Variants in URI1 observed in about 807,000 individuals in gnomAD.
URI1 encodes the protein URI1 prefoldin like chaperone.
URI1 carries 39 observed loss-of-function variants against 60.2 expected under a neutral mutation model. The ratio of observed to expected loss-of-function variants is 0.65; its 90% CI spans 0.50 to 0.85. The LOEUF is 0.85. URI1 is among the 40% of genes least tolerant of loss of function. URI1 has a pLI of 0.00. For synonymous variants in URI1, 251 were observed against 236.8 expected (o/e 1.06, Z -0.55); for missense variants, 691 against 665.9 (o/e 1.04, Z -0.42).
intron 2 of URI1, among the ~76,000 whole-genome samples, chr19:29,978,017 G>T (rs1036672781): frequency 4.6e-5 from 7 of 152,020 alleles, no homozygotes; most frequent in African/African-American, 7.2e-5. Context: ...ATTCCCTCTA[G>T]CTTCTTAATT....
intron 9 of URI1, 86 bp from the exon 10 acceptor site, chr19:30,012,199 G>A: frequency 6.9e-7 from 1 of 1,454,428 alleles, no homozygotes; most frequent in Non-Finnish European, 9.2e-7. Context: ...TTAATTTCTA[G>A]AATAGATTCA....
chr19:29,967,468 A>G (rs1232458219), intron 1 of URI1, among the ~76,000 whole-genome samples: 2 of 152,198 alleles, frequency 1.3e-5, no homozygotes, highest in Admixed American at 6.5e-5. Flanking sequence ...ATGTGTTTAT[A>G]CTTGTTTCAT....
At chr19:29,977,982 C>G (rs887382575) in intron 2 of URI1, among the ~76,000 whole-genome samples, 2 of 152,072 alleles carry the variant, frequency 1.3e-5, no homozygotes, top group African/African-American at 4.8e-5. Context: ...CTAATTCTCT[C>G]CCTGTTTTTA....
At position 29,985,250 on chromosome 19, in the gene URI1, C is replaced by T. The variant is rs1211780546; in HGVS notation, c.180C>T (p.Ala60=). The stretch of plus-strand genomic sequence containing the variant: ...AGAAGGTAGATAATGACTATAATGC[C>T]CTTCGAGAAAGACTCAGCACCTTGC... The part of the protein sequence containing the change: ...HWKKVDNDYN[A]LRERLSTLPD... Residue 60 remains alanine, a synonymous_variant, in exon 3 of 11, where the codon GCC becomes GCT. Coordinates refer to ENST00000392271, the MANE Select transcript of URI1 (RefSeq NM_003796.3). 2 of 1,604,778 alleles carry T rather than the reference C, an allele frequency of 1.2e-6. No individual in the cohort carries two copies. The highest frequency in any genetic ancestry group is 2.2e-5 in the South Asian group (2 of 90,450).
At chr19:30,009,759 A>G (rs2055994369) in intron 8 of URI1, among the ~76,000 whole-genome samples, 1 of 152,236 alleles carries the variant, frequency 6.6e-6, no homozygotes, top group Non-Finnish European at 1.5e-5. Context: ...TGGACATAAA[A>G]TGAATACTTC....
intron 4 of URI1, among the ~76,000 whole-genome samples, chr19:29,989,505 C>G (rs1421827639): frequency 1.3e-5 from 2 of 151,956 alleles, no homozygotes; most frequent in South Asian, 4.1e-4. Flanking sequence ...TTCATCGCAA[C>G]CTCCGCCTCC....
upstream of URI1, among the ~76,000 whole-genome samples, chr19:29,941,482 G>A (rs150834173): frequency 5.5e-3 from 837 of 152,198 alleles, 11 homozygotes; most frequent in African/African-American, 0.019. Context: ...TTAACAGGAT[G>A]TGTTGGTGCG....
chr19:29,955,517 A>G (rs543474367), intron 1 of URI1, among the ~76,000 whole-genome samples: 4 of 152,314 alleles, frequency 2.6e-5, no homozygotes, highest in South Asian at 4.1e-4. Flanking sequence ...TCAATGAACT[A>G]TTATGTTTAA....
intron 1 of URI1, among the ~76,000 whole-genome samples, chr19:29,934,194 A>C (rs1190666190): frequency 6.6e-6 from 1 of 151,930 alleles, no homozygotes; most frequent in Non-Finnish European, 1.5e-5. Flanking sequence ...CCTTGGCCTC[A>C]CAAATTGCTA....
intron 4 of URI1, among the ~76,000 whole-genome samples, chr19:29,997,682 G>T (rs2055829574): frequency 6.6e-6 from 1 of 151,876 alleles, no homozygotes; most frequent in Non-Finnish European, 1.5e-5. Flanking sequence ...GGTATTTACA[G>T]CTATAAATAT....
At chr19:29,997,694 T>C (rs902516403) in intron 4 of URI1, among the ~76,000 whole-genome samples, 12 of 152,174 alleles carry the variant, frequency 7.9e-5, no homozygotes, top group Non-Finnish European at 1.6e-4. Flanking sequence ...TATAAATATC[T>C]TTCTTAGCAT....
intron 1 of URI1, among the ~76,000 whole-genome samples, chr19:29,932,986 T>C (rs1459758110): frequency 2.6e-5 from 4 of 152,172 alleles, no homozygotes; most frequent in Admixed American, 6.5e-5. Context: ...TGAATCACCA[T>C]TGTGTCTCTG....
intron 1 of URI1, among the ~76,000 whole-genome samples, chr19:29,933,423 T>G (rs1318748088): frequency 6.6e-6 from 1 of 152,222 alleles, no homozygotes; most frequent in Admixed American, 6.5e-5. Context: ...TATAGTATTA[T>G]CCAATTTATT....
intron 1 of URI1, among the ~76,000 whole-genome samples, chr19:29,948,002 C>T (rs953374735): frequency 1.3e-5 from 2 of 152,250 alleles, no homozygotes; most frequent in African/African-American, 4.8e-5. Context: ...TGTATGGATA[C>T]CTAGTTGTCC....
intron 2 of URI1, among the ~76,000 whole-genome samples, chr19:29,984,594 CA>C (rs1201201572): frequency 1.3e-4 from 20 of 152,084 alleles, no homozygotes; most frequent in African/African-American, 4.3e-4. Context: ...TTCTAAATGC[CA>C]GAGTCCCTGA....
At chr19:29,943,316 A>G (rs2055056753) in intron 1 of URI1, among the ~76,000 whole-genome samples, 1 of 152,186 alleles carries the variant, frequency 6.6e-6, no homozygotes, top group African/African-American at 2.4e-5. Context: ...CTACTGGTGA[A>G]AAGGGTACAA....
intron 7 of URI1, among the ~76,000 whole-genome samples, chr19:30,008,417 G>C (rs1307623945): frequency 6.6e-6 from 1 of 151,746 alleles, no homozygotes; most frequent in African/African-American, 2.4e-5. Flanking sequence ...ATTTTTCTTG[G>C]TCATGATTCT....
At chr19:29,933,662 A>C (rs2054942039) in intron 1 of URI1, among the ~76,000 whole-genome samples, 1 of 151,776 alleles carries the variant, frequency 6.6e-6, no homozygotes, top group Non-Finnish European at 1.5e-5. Context: ...CTCTACTAAA[A>C]TACAAAAAAA....
intron 1 of URI1, among the ~76,000 whole-genome samples, chr19:29,958,640 T>C (rs1454020297): frequency 6.6e-6 from 1 of 152,158 alleles, no homozygotes; most frequent in Non-Finnish European, 1.5e-5. Flanking sequence ...TGTAATTCTT[T>C]CTTTTCTTTT....
Sources: allele counts gnomAD v4.1 joint callset (sites outside exome capture counted in the v4.1 genomes callset), GRCh38; gene constraint gnomAD v4.1.1; transcripts MANE v1.5; gene names NCBI Gene and HGNC (gene_info 2026-07-23, HGNC 2026-07-21).